CNTN6: variants seen among roughly 807,000 people sequenced by gnomAD.
The protein encoded by CNTN6 is contactin 6.
In CNTN6, 137 loss-of-function variants were observed where a neutral mutation model predicts 122.8. That is an observed-to-expected ratio of 1.12 (90% CI 0.97 to 1.29). The LOEUF (loss-of-function observed/expected upper bound fraction) is 1.29, where lower values mean the gene tolerates loss of function less well. Ranked by LOEUF, CNTN6 falls within the 50% of genes most tolerant of loss-of-function variation. The probability of loss-of-function intolerance (pLI) is 0.00; values close to 1 mark genes in which losing one functional copy is unlikely to be tolerated. For missense variants in CNTN6, 1,634 were observed against 1,223.4 expected, an observed-to-expected ratio of 1.34 and a Z score of -5.01; for synonymous variants, 570 against 426.0, an observed-to-expected ratio of 1.34 and a Z score of -4.16.
At position 1,233,478 on chromosome 3, in the gene CNTN6, G is replaced by A. The variant is rs371945935; in HGVS notation, c.358+5485G>A. On this transcript the variant is annotated intron_variant, in intron 4 of 22. Transcript: ENST00000446702. ...AAGCCAGGCGCGGTGGCTCACGCCT[G>A]TAATCCCAGCACTTTGGGAGGCCGA... is the stretch of plus-strand genomic sequence containing the variant. 2.9e-4 allele frequency among the ~76,000 whole-genome samples: 44 copies of A among 152,244 alleles called. 1 individual carries two copies. In the East Asian group the frequency reaches 7.9e-3, roughly 27 times the overall value.
chr3:1,156,704 CCTTCCTT>C (rs150037563), intron 2 of CNTN6, among the ~76,000 whole-genome samples: 2 of 119,096 alleles, frequency 1.7e-5, no homozygotes, highest in African/African-American at 3.0e-5. Context: ...TTCCTTCCTT[CCTTCCTT>C]CTTCTTTCTT....
At chr3:1,379,790 G>A (rs1710393907) in intron 17 of CNTN6, among the ~76,000 whole-genome samples, 1 of 152,070 alleles carries the variant, frequency 6.6e-6, no homozygotes, top group Non-Finnish European at 1.5e-5. Context: ...TTGACATTAT[G>A]TACAAGCAGA....
chr3:1,238,929 T>C (rs930054508), intron 4 of CNTN6, among the ~76,000 whole-genome samples: 2 of 152,108 alleles, frequency 1.3e-5, no homozygotes, highest in African/African-American at 2.4e-5. Flanking sequence ...AAGATCCAAA[T>C]AAACTCTATT....
chr3:1,335,502 G>T (rs1225469819), intron 11 of CNTN6, among the ~76,000 whole-genome samples: 1 of 152,048 alleles, frequency 6.6e-6, no homozygotes, highest in East Asian at 1.9e-4. Context: ...TCCTAGATTT[G>T]TCCCCTTATG....
At chr3:1,401,951 C>T (rs55821482) in intron 21 of CNTN6, among the ~76,000 whole-genome samples, 8,777 of 152,006 alleles carry the variant, frequency 0.058, 292 homozygotes, top group African/African-American at 0.084. Context: ...CAATCAAGTA[C>T]CCAGAGCAAC....
chr3:1,105,864 TCTG>T (rs2091196230), intron 1 of CNTN6, among the ~76,000 whole-genome samples: 2 of 152,174 alleles, frequency 1.3e-5, no homozygotes, highest in Non-Finnish European at 2.9e-5. Flanking sequence ...ATTAAATACA[TCTG>T]TGCTCATTCC....
chr3:1,153,482 A>G (rs570178617), intron 2 of CNTN6, among the ~76,000 whole-genome samples: 72 of 152,350 alleles, frequency 4.7e-4, no homozygotes, highest in African/African-American at 1.7e-3. Context: ...GTTGACTTTT[A>G]ACACTAAAAT....
intron 4 of CNTN6, among the ~76,000 whole-genome samples, chr3:1,240,810 G>T (rs1305602234): frequency 6.6e-6 from 1 of 152,170 alleles, no homozygotes; most frequent in Non-Finnish European, 1.5e-5. Flanking sequence ...TTTCACATGG[G>T]TGAAATAAAC....
At chr3:1,336,063 A>T (rs879298836) in intron 11 of CNTN6, among the ~76,000 whole-genome samples, 200 of 31,822 alleles carry the variant, frequency 6.3e-3, no homozygotes, top group Non-Finnish European at 0.016. Flanking sequence ...CAAACAAACA[A>T]ACAACAACAA....
intron 12 of CNTN6, among the ~76,000 whole-genome samples, chr3:1,352,722 A>G (rs1286918310): frequency 6.6e-6 from 1 of 151,858 alleles, no homozygotes; most frequent in Non-Finnish European, 1.5e-5. Flanking sequence ...CTTTTTACAT[A>G]AGCCTTAATG....
At chr3:1,189,067 CA>C (rs995917271) in intron 2 of CNTN6, among the ~76,000 whole-genome samples, 1 of 151,402 alleles carries the variant, frequency 6.6e-6, no homozygotes, top group Non-Finnish European at 1.5e-5. Context: ...CAAAACAAAA[CA>C]AAAAAAACAA....
chr3:1,288,037 A>G (rs913244579), intron 5 of CNTN6, among the ~76,000 whole-genome samples: 4 of 152,208 alleles, frequency 2.6e-5, no homozygotes, highest in African/African-American at 4.8e-5. Context: ...AGAAGCCAGT[A>G]ACTCATGTGG....
At chr3:1,398,481 G>A (rs1695262096) in intron 20 of CNTN6, among the ~76,000 whole-genome samples, 1 of 152,152 alleles carries the variant, frequency 6.6e-6, no homozygotes, top group South Asian at 2.1e-4. Flanking sequence ...AAACTTGAAT[G>A]TACACTAATT....
chr3:1,379,646 A>C (rs558006758), intron 17 of CNTN6, among the ~76,000 whole-genome samples: 52 of 152,254 alleles, frequency 3.4e-4, no homozygotes, highest in African/African-American at 1.2e-3. Context: ...ATTTTTAAAA[A>C]TTAAACTAAA....
chr3:1,382,899 A>C (rs1165374273), intron 17 of CNTN6, 43 bp from the exon 18 acceptor site: 3 of 1,311,022 alleles, frequency 2.3e-6, no homozygotes, highest in Non-Finnish European at 3.3e-6. Flanking sequence ...GCTTAATAAA[A>C]TATTTTTGCA....
chr3:1,239,968 C>G (rs1484274276), intron 4 of CNTN6, among the ~76,000 whole-genome samples: 1 of 152,042 alleles, frequency 6.6e-6, no homozygotes, highest in Admixed American at 6.6e-5. Flanking sequence ...ATTGAAAAGC[C>G]CAGTGTAGAA....
chr3:1,359,043 C>T (rs996101883), intron 12 of CNTN6, among the ~76,000 whole-genome samples: 2 of 152,030 alleles, frequency 1.3e-5, no homozygotes, highest in Admixed American at 6.6e-5. Context: ...CTAGGCAATA[C>T]AGCAAGATCC....
intron 11 of CNTN6, among the ~76,000 whole-genome samples, chr3:1,336,730 A>T (rs1439920408): frequency 1.3e-5 from 2 of 152,080 alleles, no homozygotes; most frequent in Non-Finnish European, 2.9e-5. Flanking sequence ...GTCTTATTCA[A>T]TTATTGAACA....
At chr3:1,188,947 T>TTTGA (rs1367126814) in intron 2 of CNTN6, among the ~76,000 whole-genome samples, 3 of 152,186 alleles carry the variant, frequency 2.0e-5, no homozygotes, top group Admixed American at 2.0e-4. Flanking sequence ...AGTTATTTTA[T>TTTGA]TTGATTGGTA....
Sources: gnomAD v4.1 joint callset for allele counts (sites outside exome capture counted in the v4.1 genomes callset) on GRCh38, gnomAD v4.1.1 for gene constraint, MANE v1.5 for transcripts, NCBI Gene and HGNC (gene_info 2026-07-23, HGNC 2026-07-21) for gene names.